The following SLC5A1 variants were observed in gnomAD, a reference collection of about 807,000 sequenced individuals.
SLC5A1 encodes solute carrier family 5 member 1, also known as sodium/glucose cotransporter 1.
SLC5A1 carries 42 observed loss-of-function variants against 73.5 expected under a neutral mutation model. That is an observed-to-expected ratio of 0.57 (90% confidence interval 0.45 to 0.74). The LOEUF is 0.74. Among genes scored for constraint, SLC5A1 ranks in the 30% least tolerant of loss-of-function variants. The pLI is 0.00. For synonymous variants in SLC5A1, 300 were observed against 317.4 expected, an observed-to-expected ratio of 0.95 and a Z score of 0.58; for missense variants, 634 against 855.4, an observed-to-expected ratio of 0.74 and a Z score of 3.23.
chr22:32,071,588 G>T lies in SLC5A1; in HGVS notation c.477+2988G>T, dbSNP rs1031523614. 3.9e-5 allele frequency among the ~76,000 whole-genome samples: 6 copies of T among 152,164 alleles called. No homozygotes were observed. The South Asian group carries it at 1.0e-3, about 26-fold the overall frequency. On this transcript the variant is annotated intron_variant, in intron 5 of 14. Coordinates refer to ENST00000266088, the MANE Select transcript of SLC5A1 (RefSeq NM_000343.4). ...GGTGTTTTCTGAGATCACATAGGGA[G>T]TAGCTCCAGCTTTTCCCCTTAGCCA...
At chr22:32,080,758 G>A (rs1363858218) in intron 5 of SLC5A1, among the ~76,000 whole-genome samples, 6 of 152,210 alleles carry the variant, frequency 3.9e-5, no homozygotes, top group African/African-American at 7.2e-5. Flanking sequence ...CACTTTGGGA[G>A]TCCAAGGCAG....
intron 5 of SLC5A1, among the ~76,000 whole-genome samples, chr22:32,081,461 G>A (rs772380465): frequency 2.6e-5 from 4 of 152,104 alleles, no homozygotes; most frequent in Admixed American, 6.5e-5. Flanking sequence ...TTTTGGGGAC[G>A]AGCTCTGATA....
rs1032566409 is a variant in SLC5A1 at position 32,081,851 on chromosome 22, C to G, written c.478-15C>G. 1 of 1,579,072 alleles carries G rather than the reference C, an allele frequency of 6.3e-7. No individual in the cohort carries two copies. Among genetic ancestry groups the G allele is most frequent in the Non-Finnish European group, 8.7e-7 (1 of 1,148,714 alleles). On this transcript the variant is annotated splice_polypyrimidine_tract_variant and intron_variant, in intron 5 of 14. Coordinates refer to ENST00000266088, the MANE Select transcript of SLC5A1 (RefSeq NM_000343.4). ...ACCACTCTCCCTCCTAACTCCGCCTCTCCTCTCCTTCCAGGCAGACATCTT... is the reference window on the plus strand; with the variant it reads ...ACCACTCTCCCTCCTAACTCCGCCTGTCCTCTCCTTCCAGGCAGACATCTT...
At chr22:32,085,718 T>C (rs1261794958) in intron 9 of SLC5A1, among the ~76,000 whole-genome samples, 2 of 152,140 alleles carry the variant, frequency 1.3e-5, no homozygotes, top group African/African-American at 4.8e-5. Flanking sequence ...TCTTCCTTAG[T>C]CAGAGCTCAT....
chr22:32,068,754 C>G (rs895790990), intron 5 of SLC5A1, among the ~76,000 whole-genome samples, 154 bp downstream of exon 5: 1 of 151,780 alleles, frequency 6.6e-6, no homozygotes, highest in Non-Finnish European at 1.5e-5. Context: ...ATTTCTGCAT[C>G]GAGGAGCCAA....
intron 14 of SLC5A1, among the ~76,000 whole-genome samples, chr22:32,108,191 T>C (rs142556567): frequency 0.045 from 6,830 of 151,738 alleles, 208 homozygotes; most frequent in Non-Finnish European, 0.071. Context: ...ACTGCAAGCT[T>C]CACCTCCCGG....
chr22:32,057,123 C>T (rs1478031555), intron 2 of SLC5A1, among the ~76,000 whole-genome samples: 1 of 152,162 alleles, frequency 6.6e-6, no homozygotes, highest in East Asian at 1.9e-4. Flanking sequence ...TTGGAAGGTT[C>T]ACAGTGTGCT....
intron 5 of SLC5A1, 86 bp downstream of exon 5, chr22:32,068,686 C>G: frequency 1.1e-6 from 1 of 901,882 alleles, no homozygotes; most frequent in South Asian, 1.4e-5. Flanking sequence ...AGAGGCGGCT[C>G]TATACATTTC....
intron 11 of SLC5A1, among the ~76,000 whole-genome samples, chr22:32,092,278 G>T (rs1031544448): frequency 1.3e-5 from 2 of 152,004 alleles, no homozygotes. Context: ...CCATTAATTC[G>T]TTCCTTTTTA....
At chr22:32,047,876 A>G (rs1212441661) in intron 1 of SLC5A1, among the ~76,000 whole-genome samples, 1 of 152,136 alleles carries the variant, frequency 6.6e-6, no homozygotes, top group African/African-American at 2.4e-5. Context: ...AAATGCAGAC[A>G]TCGGCCGGGC....
At chr22:32,085,162 C>T in intron 9 of SLC5A1, 127 bp downstream of exon 9, 1 of 1,137,220 alleles carries the variant, frequency 8.8e-7, no homozygotes, top group Non-Finnish European at 1.3e-6. Flanking sequence ...GTCACCCAGG[C>T]TGGAGTGCAG....
At chr22:32,102,317 AT>A (rs777241392) in intron 13 of SLC5A1, 80 bp downstream of exon 13, 7 of 1,011,010 alleles carry the variant, frequency 6.9e-6, no homozygotes, top group Non-Finnish European at 1.1e-5. Context: ...ATTTTTCATT[AT>A]TATGGGTACA....
intron 11 of SLC5A1, among the ~76,000 whole-genome samples, chr22:32,095,558 A>C (rs2094024921): frequency 6.6e-6 from 1 of 152,114 alleles, no homozygotes. Flanking sequence ...GGATTGTGAC[A>C]TTTTCCCCTT....
chr22:32,072,906 T>G (rs2093984960), intron 5 of SLC5A1, among the ~76,000 whole-genome samples: 1 of 152,224 alleles, frequency 6.6e-6, no homozygotes, highest in Non-Finnish European at 1.5e-5. Flanking sequence ...TGATCAGTTG[T>G]AAAAATTCTT....
Position 32,043,706 on chromosome 22 carries a change from T to C in SLC5A1, c.135+290T>C, listed in dbSNP as rs1461703719. Among the ~76,000 whole-genome samples the C allele has an allele frequency of 6.6e-6, 1 of 151,984 alleles. No homozygotes were observed. Among genetic ancestry groups the C allele is most frequent in the African/African-American group, 2.4e-5 (1 of 41,388 alleles). On this transcript the variant is annotated intron_variant, in intron 1 of 14. Transcript: ENST00000266088. This position sits in a 1 kb window ranked among gnomAD's most constrained non-coding sequence, Gnocchi z 6.5. The stretch of plus-strand genomic sequence containing the variant: ...GGTTTGAAGAGACCGCTGGAAAGTG[T>C]AAGGGGCAGGAAAGCGGCTGCTTAG...
intron 2 of SLC5A1, among the ~76,000 whole-genome samples, chr22:32,059,871 G>T (rs982862099): frequency 6.6e-5 from 10 of 151,914 alleles, no homozygotes; most frequent in African/African-American, 2.4e-4. Flanking sequence ...ATGGTATCAT[G>T]GAAGTCTTGA....
chr22:32,110,368 C>T lies in SLC5A1; in HGVS notation c.*155C>T, dbSNP rs886057405. The stretch of plus-strand genomic sequence containing the variant: ...AATTATAGGCTAGCTGGAAGAAAAC[C>T]ATTAGTTTGCTGTTAATTTATGCAT... On this transcript the variant is annotated 3_prime_UTR_variant, in exon 15 of 15. Transcript: ENST00000266088. The T allele has an allele frequency of 1.4e-6, 1 of 692,032 alleles. No homozygotes were observed. Among genetic ancestry groups the T allele is most frequent in the Non-Finnish European group, 2.6e-6 (1 of 379,744 alleles). 42.9% of individuals were successfully genotyped at this position (692,032 alleles called of 1,614,324 possible).
intron 11 of SLC5A1, among the ~76,000 whole-genome samples, chr22:32,094,452 T>C (rs2094023081): frequency 1.3e-5 from 2 of 152,220 alleles, no homozygotes; most frequent in Non-Finnish European, 2.9e-5. Context: ...AGAATTCAGC[T>C]GTGAATCCGT....
chr22:32,079,114 G>GAAGAA (rs1031161062), intron 5 of SLC5A1, among the ~76,000 whole-genome samples: 1 of 151,998 alleles, frequency 6.6e-6, no homozygotes, highest in Admixed American at 6.6e-5. Context: ...CTCTGAACAT[G>GAAGAA]AAGAAAAGAA....
Sources: gnomAD v4.1 joint callset for allele counts (sites outside exome capture counted in the v4.1 genomes callset) on GRCh38, gnomAD v4.1.1 for gene constraint, Gnocchi (gnomAD v3.1) non-coding constraint, MANE v1.5 for transcripts, NCBI Gene and HGNC (gene_info 2026-07-23, HGNC 2026-07-21) for gene names.